DTD2: variants seen among roughly 807,000 people sequenced by gnomAD.
DTD2 encodes D-tyrosyl-tRNA deacylase 2 (putative).
In DTD2, 12 loss-of-function variants were observed where a neutral mutation model predicts 15.5. That is an observed-to-expected ratio of 0.77 (90% confidence interval 0.50 to 1.25). DTD2 has a LOEUF of 1.25. Among genes scored for constraint, DTD2 ranks in the 50% most tolerant of loss-of-function variants. The probability of loss-of-function intolerance (pLI) is 0.00; values close to 1 mark genes in which losing one functional copy is unlikely to be tolerated. For missense variants in DTD2, 170 were observed against 201.1 expected (o/e 0.85, Z 0.93); for synonymous variants, 59 against 77.3 (o/e 0.76, Z 1.24).
At position 31,453,479 on chromosome 14, in the gene DTD2, A is replaced by T. The variant is rs533283649; in HGVS notation, c.112-135T>A. On this transcript the variant is annotated intron_variant, in intron 1 of 2. Transcript: ENST00000310850. ...GCACAGAAAATGAACTTTACAAAAG[A>T]TTTCTCATGTGAGAAAACAAAATAT... The T allele has an allele frequency of 6.8e-5, 46 of 678,574 alleles. No homozygotes were observed. The African/African-American group carries it at 7.8e-4, about 12-fold the overall frequency. The allele number at this position is 678,574 out of a possible 1,614,324, so 42.0% of individuals were successfully genotyped here.
At chr14:31,449,069 A>G (rs967123611) in intron 2 of DTD2, among the ~76,000 whole-genome samples, 2 of 151,972 alleles carry the variant, frequency 1.3e-5, no homozygotes, top group Admixed American at 6.6e-5. Context: ...AATTTTTTGT[A>G]TTTTTAGTAG....
rs543562575 is a variant in DTD2 at position 31,452,754 on chromosome 14, A to G, written c.181+521T>C. On this transcript the variant is annotated intron_variant, in intron 2 of 2. Coordinates refer to ENST00000310850, the MANE Select transcript of DTD2 (RefSeq NM_080664.3). ...TTTAAATGTTCACAACACAAATAAT[A>G]AATTTTTGAGATAATGCATATCTGG... 4 of 152,250 alleles carry G rather than the reference A, an allele frequency of 2.6e-5. No homozygotes were observed. The South Asian group carries it at 6.2e-4, about 24-fold the overall frequency. The allele number at this position is 152,250 out of a possible 1,614,324, so 9.4% of individuals were successfully genotyped here.
intron 1 of DTD2, among the ~76,000 whole-genome samples, chr14:31,456,167 TG>T (rs907401543): frequency 4.6e-5 from 7 of 152,140 alleles, no homozygotes; most frequent in African/African-American, 1.7e-4. Context: ...CTGAGGCAGG[TG>T]GATCACCTGA....
intron 2 of DTD2, among the ~76,000 whole-genome samples, chr14:31,451,549 T>G (rs546404368): frequency 5.6e-4 from 86 of 152,280 alleles, no homozygotes; most frequent in Middle Eastern, 3.4e-3. Flanking sequence ...AATTTCAAAC[T>G]ATTGCAGTTA....
chr14:31,453,860 T>TTTG lies in DTD2; in HGVS notation c.112-519_112-517dup, dbSNP rs568855966. Among the ~76,000 whole-genome samples the TTTG allele has an allele frequency of 4.8e-4, 73 of 152,286 alleles. No homozygotes were observed. In the East Asian group the frequency reaches 7.9e-3, roughly 16 times the overall value. The stretch of plus-strand genomic sequence containing the variant: ...TAAGCTCCAGGAAACTGTCCAATTA[T>TTTG]TTGTTGTTGTTGTTGTTATTGTTGT... On this transcript the variant is annotated intron_variant, in intron 1 of 2. Transcript: ENST00000310850.
chr14:31,453,670 C>A (rs770502311), intron 1 of DTD2, among the ~76,000 whole-genome samples: 5 of 152,166 alleles, frequency 3.3e-5, no homozygotes, highest in Non-Finnish European at 5.9e-5. Context: ...AGAAACATTT[C>A]GTTTGCTGGG....
intron 1 of DTD2, among the ~76,000 whole-genome samples, chr14:31,453,643 G>A (rs1277241882): frequency 6.6e-6 from 1 of 152,164 alleles, no homozygotes; most frequent in Non-Finnish European, 1.5e-5. Context: ...CTTTTCTCAA[G>A]TAAGGGTGAC....
Position 31,449,619 on chromosome 14 carries a change from C to G in DTD2, c.182-1165G>C, listed in dbSNP as rs577080504. Among the ~76,000 whole-genome samples, 10 of 152,286 alleles carry G rather than the reference C, an allele frequency of 6.6e-5. No homozygotes were observed. The South Asian group carries it at 2.1e-3, about 32-fold the overall frequency. ...GAAAGCCTTTATACCTCAACATTAA[C>G]CATTTTTGAAACAATAAGCAAAAGA... On this transcript the variant is annotated intron_variant, in intron 2 of 2. Coordinates refer to ENST00000310850, the MANE Select transcript of DTD2 (RefSeq NM_080664.3).
intron 2 of DTD2, among the ~76,000 whole-genome samples, chr14:31,449,522 A>G (rs576352924): frequency 6.6e-6 from 1 of 152,358 alleles, no homozygotes; most frequent in South Asian, 2.1e-4. Flanking sequence ...AGCATTCGTG[A>G]GATTTCCTAT....
At position 31,446,174 on chromosome 14, in the gene DTD2, T is replaced by G. The variant is rs1246797515; in HGVS notation, c.*1955A>C. Reference sequence around the variant, plus strand: ...AAAATAGAACAGTACAGGAAGGGTATAGAGAAAATAGGATTTTTCATGATA... The same window carrying G: ...AAAATAGAACAGTACAGGAAGGGTAGAGAGAAAATAGGATTTTTCATGATA... On this transcript the variant is annotated 3_prime_UTR_variant, in exon 3 of 3. Transcript: ENST00000310850. The G allele has an allele frequency of 3.9e-5, 6 of 152,206 alleles. No individual in the cohort carries two copies. The highest frequency in any genetic ancestry group is 8.8e-5 in the Non-Finnish European group (6 of 68,038). 9.4% of individuals were successfully genotyped at this position (152,206 alleles called of 1,614,324 possible). A position where few individuals can be genotyped will look rare whatever the true frequency, so the allele number is the denominator to read the frequency against.
chr14:31,452,761 T>C (rs2032051605), intron 2 of DTD2: 2 of 152,210 alleles, frequency 1.3e-5, no homozygotes, highest in Non-Finnish European at 2.9e-5. Context: ...AATAAATTTT[T>C]GAGATAATGC....
At chr14:31,453,804 T>C (rs913322680) in intron 1 of DTD2, among the ~76,000 whole-genome samples, 1 of 152,194 alleles carries the variant, frequency 6.6e-6, no homozygotes, top group Non-Finnish European at 1.5e-5. Flanking sequence ...TACTTACAAA[T>C]AATGAAAATA....
intron 2 of DTD2, among the ~76,000 whole-genome samples, chr14:31,451,461 CTTT>C (rs34116335): frequency 1.3e-5 from 2 of 150,818 alleles, no homozygotes; most frequent in Non-Finnish European, 3.0e-5. Flanking sequence ...CTCTCTCTCT[CTTT>C]TTTTTTCTTT....
chr14:31,454,350 T>C (rs1391471150), intron 1 of DTD2, among the ~76,000 whole-genome samples: 1 of 152,276 alleles, frequency 6.6e-6, no homozygotes, highest in Non-Finnish European at 1.5e-5. Flanking sequence ...CATTCAACTA[T>C]ATGTTCCAGG....
At chr14:31,453,113 AT>A (rs2032056740) in intron 2 of DTD2, among the ~76,000 whole-genome samples, 161 bp downstream of exon 2, 1 of 151,536 alleles carries the variant, frequency 6.6e-6, no homozygotes, top group Non-Finnish European at 1.5e-5. Flanking sequence ...ACTTTTGTTT[AT>A]TTTTTGTAGA....
chr14:31,455,273 C>A (rs1258884822), intron 1 of DTD2, among the ~76,000 whole-genome samples: 1 of 151,910 alleles, frequency 6.6e-6, no homozygotes. Context: ...ATAATTCGGC[C>A]GGGCACGGTG....
In DTD2 at chr14:31,448,026, A is replaced by C. The variant is rs2031982265; in HGVS notation, c.*103T>G. Reference sequence around the variant, plus strand: ...TGAAACCCAAGATTTTCCTGTCTAAAAATGCTGAAGATTAGTATATTCAAG... The same window carrying C: ...TGAAACCCAAGATTTTCCTGTCTAACAATGCTGAAGATTAGTATATTCAAG... On this transcript the variant is annotated 3_prime_UTR_variant, in exon 3 of 3. Coordinates refer to ENST00000310850, the MANE Select transcript of DTD2 (RefSeq NM_080664.3). The C allele has an allele frequency of 2.8e-6, 3 of 1,056,804 alleles. No individual in the cohort carries two copies. Among genetic ancestry groups the C allele is most frequent in the Non-Finnish European group, 4.1e-6 (3 of 728,604 alleles). 65.5% of individuals were successfully genotyped at this position (1,056,804 alleles called of 1,614,324 possible).
intron 2 of DTD2, among the ~76,000 whole-genome samples, chr14:31,451,095 A>G (rs1485544653): frequency 6.6e-6 from 1 of 151,956 alleles, no homozygotes; most frequent in Non-Finnish European, 1.5e-5. Context: ...ACACTCCAGC[A>G]TTAGGATCTG....
chr14:31,456,528 G>C (rs1299056110), intron 1 of DTD2, among the ~76,000 whole-genome samples: 1 of 152,134 alleles, frequency 6.6e-6, no homozygotes, highest in East Asian at 1.9e-4. Context: ...CTACACTGAA[G>C]TTTCTGAGTA....
Sources: allele counts gnomAD v4.1 joint callset (sites outside exome capture counted in the v4.1 genomes callset), GRCh38; gene constraint gnomAD v4.1.1; transcripts MANE v1.5; gene names NCBI Gene and HGNC (gene_info 2026-07-23, HGNC 2026-07-21).